The following NCMAP variants were observed in gnomAD, a reference collection of about 807,000 sequenced individuals.
The protein encoded by NCMAP is non-compact myelin associated protein.
In NCMAP, 8 loss-of-function variants were observed where a neutral mutation model predicts 7.8. That is an observed-to-expected ratio of 1.02 (90% CI 0.60 to 1.84). The LOEUF is 1.84. Ranked by LOEUF, NCMAP falls within the 40% of genes most tolerant of loss-of-function variation. The pLI, the probability that NCMAP is intolerant of heterozygous loss-of-function variation, is 0.00. For missense variants in NCMAP, 112 were observed against 131.4 expected, an observed-to-expected ratio of 0.85 and a Z score of 0.72; for synonymous variants, 41 against 52.9, an observed-to-expected ratio of 0.78 and a Z score of 0.98.
intron 1 of NCMAP, among the ~76,000 whole-genome samples, chr1:24,593,881 T>C (rs930202381): frequency 1.4e-5 from 2 of 143,148 alleles, no homozygotes; most frequent in Non-Finnish European, 3.1e-5. Flanking sequence ...TATTTATTTA[T>C]TTATTTATTT....
chr1:24,594,272 T>C (rs1045203897), intron 1 of NCMAP, among the ~76,000 whole-genome samples: 1 of 152,188 alleles, frequency 6.6e-6, no homozygotes, highest in African/African-American at 2.4e-5. Flanking sequence ...GGTGACATCA[T>C]ACTAACTGTG....
chr1:24,556,172 A>G lies in NCMAP; in HGVS notation c.-8+3A>G, dbSNP rs564864667. 1,693 of 152,692 alleles carry G rather than the reference A, an allele frequency of 0.011. 25 individuals carry two copies. Among genetic ancestry groups the G allele is most frequent in the Non-Finnish European group, 0.018 (1,209 of 68,176 alleles). 9.5% of individuals were successfully genotyped at this position (152,692 alleles called of 1,614,324 possible). ...CCGAGCGGGGCTCGACAGAGCAGGT[A>G]GGAGGCGCCTGGTCGCCGGGGTTGC... is the stretch of plus-strand genomic sequence containing the variant. On this transcript the variant is annotated splice_donor_region_variant and intron_variant, in intron 1 of 3. Transcript: ENST00000374392.
rs755072214 is a variant in NCMAP, at chr1:24,561,178, C to CAAAAA, written c.-8+5025_-8+5029dup. Among the ~76,000 whole-genome samples, 70 of 103,846 alleles carry CAAAAA rather than the reference C, an allele frequency of 6.7e-4. 2 individuals carry two copies. Among genetic ancestry groups the CAAAAA allele is most frequent in the African/African-American group, 1.5e-3 (39 of 25,318 alleles). The allele number at this position is 103,846 out of a possible 152,430, so 68.1% of individuals were successfully genotyped here. A position where few individuals can be genotyped will look rare whatever the true frequency, so the allele number is the denominator to read the frequency against. The stretch of plus-strand genomic sequence containing the variant: ...GGAAACACCATCTCTACTAAAAATA[C>CAAAAA]AAAAAAAAAAAAAAAAAAAATAGCT... On this transcript the variant is annotated intron_variant, in intron 1 of 3. Transcript: ENST00000374392.
intron 1 of NCMAP, among the ~76,000 whole-genome samples, chr1:24,577,236 C>G (rs1651588119): frequency 6.6e-6 from 1 of 152,006 alleles, no homozygotes; most frequent in South Asian, 2.1e-4. Flanking sequence ...AATGCAGATA[C>G]TCCCAGAGAA....
At position 24,571,139 on chromosome 1, in the gene NCMAP, G is replaced by C. The variant is rs886117717; in HGVS notation, c.-8+14970G>C. 4.6e-5 allele frequency among the ~76,000 whole-genome samples: 7 copies of C among 150,738 alleles called. 2 individuals are homozygous for C. Among genetic ancestry groups the C allele is most frequent in the African/African-American group, 1.7e-4 (7 of 40,044 alleles). Reference sequence around the variant, plus strand: ...GGTTTGGTGTTGTCCAATATAATGTGAGCCACATATGTTATTGTAAATGTC... The same window carrying C: ...GGTTTGGTGTTGTCCAATATAATGTCAGCCACATATGTTATTGTAAATGTC... On this transcript the variant is annotated intron_variant, in intron 1 of 3. Coordinates refer to ENST00000374392, the MANE Select transcript of NCMAP (RefSeq NM_001010980.5).
chr1:24,602,339 T>TAG (rs1652529142), intron 3 of NCMAP, among the ~76,000 whole-genome samples: 262 of 137,876 alleles, frequency 1.9e-3, no homozygotes, highest in African/African-American at 8.9e-3. Flanking sequence ...TCCCAGCACT[T>TAG]TGAGAGGCCG....
intron 1 of NCMAP, among the ~76,000 whole-genome samples, chr1:24,556,582 T>C (rs1314839406): frequency 6.6e-6 from 1 of 152,114 alleles, no homozygotes; most frequent in Non-Finnish European, 1.5e-5. Flanking sequence ...GGGTCTGCCC[T>C]ATGCAGAGGC....
chr1:24,602,514 G>A (rs1400885848), intron 3 of NCMAP, among the ~76,000 whole-genome samples: 2 of 130,540 alleles, frequency 1.5e-5, no homozygotes, highest in Non-Finnish European at 3.0e-5. Context: ...AGCTTGCAGT[G>A]AGCGGAGATC....
At chr1:24,570,665 G>T (rs1651362065) in intron 1 of NCMAP, among the ~76,000 whole-genome samples, 1 of 150,750 alleles carries the variant, frequency 6.6e-6, no homozygotes, top group Non-Finnish European at 1.5e-5. Context: ...GCTCCAGGTG[G>T]CCTGCCCTCC....
chr1:24,557,233 G>T (rs1330284587), intron 1 of NCMAP, among the ~76,000 whole-genome samples: 1 of 152,184 alleles, frequency 6.6e-6, no homozygotes, highest in Non-Finnish European at 1.5e-5. Context: ...TGCATATGAA[G>T]TACAATGCTT....
At chr1:24,559,081 T>C (rs892343991) in intron 1 of NCMAP, among the ~76,000 whole-genome samples, 1 of 152,218 alleles carries the variant, frequency 6.6e-6, no homozygotes, top group Non-Finnish European at 1.5e-5. Context: ...ACAGAACTTC[T>C]GTAATTTGGG....
intron 1 of NCMAP, among the ~76,000 whole-genome samples, chr1:24,585,434 G>A (rs544261978): frequency 1.1e-4 from 17 of 152,250 alleles, no homozygotes; most frequent in South Asian, 4.1e-4. Flanking sequence ...ATGTGCTCAC[G>A]CTGACTTCCC....
chr1:24,565,735 C>G (rs1198982551), intron 1 of NCMAP, among the ~76,000 whole-genome samples: 7 of 151,730 alleles, frequency 4.6e-5, no homozygotes, highest in Admixed American at 4.6e-4. Context: ...GTAGCTGAGA[C>G]TACAGGTGCA....
intron 2 of NCMAP, among the ~76,000 whole-genome samples, chr1:24,600,344 G>A (rs79994059): frequency 0.035 from 5,337 of 151,724 alleles, 144 homozygotes; most frequent in Middle Eastern, 0.11. Flanking sequence ...TCTAGAAACA[G>A]GATCTTGCTA....
At chr1:24,584,560 T>C (rs776696766) in intron 1 of NCMAP, among the ~76,000 whole-genome samples, 49 of 151,966 alleles carry the variant, frequency 3.2e-4, no homozygotes, top group Non-Finnish European at 6.0e-4. Context: ...GAAGTCTGTG[T>C]GTGGTGGGCC....
chr1:24,573,110 C>T (rs1023225845), intron 1 of NCMAP, among the ~76,000 whole-genome samples: 2 of 150,668 alleles, frequency 1.3e-5, no homozygotes, highest in Admixed American at 1.3e-4. Context: ...CACACCTCCA[C>T]GCCTGTCTAT....
At chr1:24,580,367 G>A (rs1651707337) in intron 1 of NCMAP, among the ~76,000 whole-genome samples, 1 of 152,176 alleles carries the variant, frequency 6.6e-6, no homozygotes, top group Admixed American at 6.5e-5. Context: ...ACTCTGTTCT[G>A]CAGGGTGGAG....
At chr1:24,589,818 GTTTTTA>G (rs778480928) in intron 1 of NCMAP, among the ~76,000 whole-genome samples, 1 of 152,134 alleles carries the variant, frequency 6.6e-6, no homozygotes, top group South Asian at 2.1e-4. Flanking sequence ...TTAGCTTTAT[GTTTTTA>G]TTTTTATTTT....
chr1:24,596,579 G>A (rs111839571), intron 2 of NCMAP, among the ~76,000 whole-genome samples: 1 of 151,540 alleles, frequency 6.6e-6, no homozygotes, highest in African/African-American at 2.4e-5. Context: ...AGCTACACGG[G>A]GGGTGCTGAG....
Sources: gnomAD v4.1 joint callset for allele counts (sites outside exome capture counted in the v4.1 genomes callset) on GRCh38, gnomAD v4.1.1 for gene constraint, MANE v1.5 for transcripts, NCBI Gene and HGNC (gene_info 2026-07-23, HGNC 2026-07-21) for gene names.